DAP: variants seen among roughly 807,000 people sequenced by gnomAD.
DAP encodes death-associated protein 1.
Under a neutral mutation model 13.8 loss-of-function variants are expected in DAP, and 8 were observed. The observed-to-expected ratio is 0.58, with a 90% CI of 0.34 to 1.05. The LOEUF (loss-of-function observed/expected upper bound fraction) is 1.05, where lower values mean the gene tolerates loss of function less well. DAP is among the 50% of genes least tolerant of loss of function. The pLI is 0.03. For synonymous variants in DAP, 47 were observed against 47.5 expected (o/e 0.99, Z 0.04); for missense variants, 106 against 133.2 (o/e 0.80, Z 1.01).
rs539977332 is a variant in DAP, at chr5:10,752,704, TTG to T, written c.56-4435_56-4434del. ...TGCACATGTGTGCATACGTATGTGCTTGTGTGTGTGGCTGTGTGTGGGCAAGT... is the reference window on the plus strand; with the variant it reads ...TGCACATGTGTGCATACGTATGTGCTTGTGTGTGGCTGTGTGTGGGCAAGT... On this transcript the variant is annotated intron_variant, in intron 1 of 3. Transcript: ENST00000230895. Among the ~76,000 whole-genome samples, 46 of 152,278 alleles carry T rather than the reference TTG, an allele frequency of 3.0e-4. 2 individuals carry two copies. In the South Asian group the frequency reaches 9.3e-3, roughly 31 times the overall value.
At chr5:10,734,074 A>G (rs1739540877) in intron 2 of DAP, 2 of 152,264 alleles carry the variant, frequency 1.3e-5, no homozygotes, top group African/African-American at 4.8e-5. Context: ...CCTGATAAAT[A>G]GTGCAACCTT....
At chr5:10,701,608 C>CCG (rs1738577135) in intron 2 of DAP, among the ~76,000 whole-genome samples, 1 of 10,584 alleles carries the variant, frequency 9.4e-5, no homozygotes, top group African/African-American at 3.8e-4. Flanking sequence ...GGACGGGGGG[C>CCG]GGGGGGGCAG....
intron 1 of DAP, among the ~76,000 whole-genome samples, chr5:10,751,840 G>A (rs1365512950): frequency 1.3e-5 from 2 of 152,228 alleles, no homozygotes; most frequent in African/African-American, 4.8e-5. Flanking sequence ...AAGCAGAGCT[G>A]CCAACACCTT....
At chr5:10,708,427 C>A (rs1350883789) in intron 2 of DAP, among the ~76,000 whole-genome samples, 1 of 135,130 alleles carries the variant, frequency 7.4e-6, no homozygotes, top group African/African-American at 2.6e-5. Context: ...CAGGCATACA[C>A]ATATACACAT....
chr5:10,739,156 C>G (rs759397116), intron 2 of DAP, among the ~76,000 whole-genome samples: 2 of 124,522 alleles, frequency 1.6e-5, no homozygotes, highest in Non-Finnish European at 3.2e-5. Flanking sequence ...GAGCCGAGAT[C>G]GCACTACTGC....
intron 2 of DAP, among the ~76,000 whole-genome samples, chr5:10,732,583 T>G (rs1485251686): frequency 6.6e-6 from 1 of 152,244 alleles, no homozygotes; most frequent in Non-Finnish European, 1.5e-5. Context: ...GATGAGCATT[T>G]GGGCTGTTTC....
intron 2 of DAP, among the ~76,000 whole-genome samples, chr5:10,738,035 C>T (rs1043453877): frequency 1.3e-5 from 2 of 152,208 alleles, no homozygotes; most frequent in Admixed American, 6.5e-5. Flanking sequence ...ATTGCAGAAA[C>T]CACCAGAAGC....
Position 10,740,611 on chromosome 5 carries a change from G to T in DAP, c.152+7564C>A, listed in dbSNP as rs1438400911. On this transcript the variant is annotated intron_variant, in intron 2 of 3. Transcript: ENST00000230895. ...GGCTGACTTCTCGCTGTACACAATGGAAGCCAGAAAAAAATGGAATGCCGT... is the reference window on the plus strand; with the variant it reads ...GGCTGACTTCTCGCTGTACACAATGTAAGCCAGAAAAAAATGGAATGCCGT... Among the ~76,000 whole-genome samples the T allele has an allele frequency of 2.0e-5, 3 of 152,196 alleles. No homozygotes were observed. The East Asian group carries it at 5.8e-4, about 29-fold the overall frequency.
chr5:10,756,345 G>T, intron 1 of DAP, among the ~76,000 whole-genome samples: 1 of 91,740 alleles, frequency 1.1e-5, no homozygotes, highest in Admixed American at 1.0e-4. Flanking sequence ...TGACCACAGG[G>T]TTAATAGAAG....
Position 10,680,791 on chromosome 5 carries a change from C to A in DAP, c.*265G>T. 2.6e-6 allele frequency: 4 copies of A among 1,536,696 alleles called. No individual in the cohort carries two copies. Among genetic ancestry groups the A allele is most frequent in the Non-Finnish European group, 3.5e-6 (4 of 1,147,020 alleles). ...ATAGAACTAAAGCTAAAATTTTTCT[C>A]GGATCTTGGCAAATTCTGCTAATGG... On this transcript the variant is annotated 3_prime_UTR_variant, in exon 4 of 4. Coordinates refer to ENST00000230895, the MANE Select transcript of DAP (RefSeq NM_004394.3).
intron 2 of DAP, among the ~76,000 whole-genome samples, chr5:10,738,831 CA>C (rs1205916346): frequency 1.3e-5 from 2 of 152,062 alleles, no homozygotes; most frequent in African/African-American, 2.4e-5. Context: ...TAAAGCATTC[CA>C]GAGTAAAAGA....
At chr5:10,739,116 G>A (rs1377248645) in intron 2 of DAP, among the ~76,000 whole-genome samples, 2 of 142,290 alleles carry the variant, frequency 1.4e-5, no homozygotes, top group Non-Finnish European at 3.0e-5. Context: ...GCAGGAGAAT[G>A]GCGTGAACCT....
chr5:10,687,928 T>TTTTTTA (rs140341146), intron 2 of DAP, among the ~76,000 whole-genome samples: 5 of 139,432 alleles, frequency 3.6e-5, no homozygotes, highest in African/African-American at 1.4e-4. Flanking sequence ...TTTTTTTTTT[T>TTTTTTA]ACAGAGGGAG....
intron 2 of DAP, among the ~76,000 whole-genome samples, chr5:10,685,812 G>A (rs1293435033): frequency 1.3e-5 from 2 of 152,288 alleles, no homozygotes; most frequent in African/African-American, 2.4e-5. Context: ...AGTCAATCTA[G>A]TAAGAATACA....
intron 2 of DAP, among the ~76,000 whole-genome samples, chr5:10,737,812 A>G (rs2964790): frequency 0.26 from 39,105 of 152,180 alleles, 5,216 homozygotes; most frequent in Middle Eastern, 0.39. Flanking sequence ...GTACTTCAGA[A>G]TGTGAGCTTA....
chr5:10,757,892 A>G (rs1579826612), intron 1 of DAP, among the ~76,000 whole-genome samples: 1 of 152,230 alleles, frequency 6.6e-6, no homozygotes, highest in East Asian at 1.9e-4. Context: ...GAATAAAGAG[A>G]TCAAGAAGAC....
At chr5:10,756,072 C>T (rs1259097692) in intron 1 of DAP, among the ~76,000 whole-genome samples, 1 of 91,384 alleles carries the variant, frequency 1.1e-5, no homozygotes, top group African/African-American at 4.7e-5. Flanking sequence ...CTCTTGAGCC[C>T]AGGAGGCCAA....
intron 2 of DAP, among the ~76,000 whole-genome samples, chr5:10,712,929 G>A (rs951289354): frequency 1.6e-4 from 24 of 152,146 alleles, no homozygotes; most frequent in African/African-American, 5.6e-4. Context: ...CTATTGAAGT[G>A]GGGGAGGGAG....
At chr5:10,694,190 A>T (rs1738377291) in intron 2 of DAP, among the ~76,000 whole-genome samples, 1 of 152,166 alleles carries the variant, frequency 6.6e-6, no homozygotes, top group African/African-American at 2.4e-5. Context: ...GACGATTCAG[A>T]ACCACGCAAA....
Sources: allele counts gnomAD v4.1 joint callset (sites outside exome capture counted in the v4.1 genomes callset), GRCh38; gene constraint gnomAD v4.1.1; transcripts MANE v1.5; gene names NCBI Gene and HGNC (gene_info 2026-07-23, HGNC 2026-07-21).